The following ZFHX4 variants were observed in gnomAD, a reference collection of about 807,000 sequenced individuals.
ZFHX4 encodes zinc finger homeobox protein 4.
Under a neutral mutation model 267.6 loss-of-function variants are expected in ZFHX4, and 56 were observed. The ratio of observed to expected loss-of-function variants is 0.21; its 90% CI spans 0.17 to 0.26. The LOEUF (loss-of-function observed/expected upper bound fraction) is 0.26, where lower values mean the gene tolerates loss of function less well. Ranked by LOEUF, ZFHX4 falls within the 10% of genes least tolerant of loss-of-function variation. The probability of loss-of-function intolerance (pLI) is 1.00; values close to 1 mark genes in which losing one functional copy is unlikely to be tolerated. For missense variants in ZFHX4, 4,332 were observed against 4,420.0 expected, an observed-to-expected ratio of 0.98 and a Z score of 0.56; for synonymous variants, 1,778 against 1,665.6, an observed-to-expected ratio of 1.07 and a Z score of -1.64.
Position 76,863,351 on chromosome 8 carries a change from G to A in ZFHX4, c.9637G>A (p.Glu3213Lys), listed in dbSNP as rs536201184. ...GGAGGAATTAGAGGCCACCAAACCC[G>A]AAAAACACCCCAAAAAAGAGGAAAA... ...KEEELEATKP[E>K]KHPKKEEKIS... Residue 3213 changes from glutamate to lysine, a missense_variant, in exon 11 of 11, where the codon GAA (glutamate) becomes AAA (lysine). By Grantham distance (56) the Glu-to-Lys change is moderately conservative. This residue lies in a region of ZFHX4 where 1,648 missense variants were observed against 1,625.0 expected (regional missense o/e 1.01). Coordinates refer to ENST00000651372, the MANE Select transcript of ZFHX4 (RefSeq NM_024721.5). 1.2e-5 allele frequency: 20 copies of A among 1,613,766 alleles called. No individual in the cohort carries two copies. In the African/African-American group the frequency reaches 1.6e-4, roughly 13 times the overall value.
At chr8:76,737,711 A>G (rs1233637336) in intron 3 of ZFHX4, among the ~76,000 whole-genome samples, 1 of 152,208 alleles carries the variant, frequency 6.6e-6, no homozygotes, top group Non-Finnish European at 1.5e-5. Context: ...ATAATAAGTG[A>G]TAAAAATGGT....
intron 3 of ZFHX4, among the ~76,000 whole-genome samples, chr8:76,750,482 T>C (rs1809584778): frequency 6.6e-6 from 1 of 152,142 alleles, no homozygotes; most frequent in African/African-American, 2.4e-5. Context: ...TACTGTGTCC[T>C]CAGAATAACC....
intron 4 of ZFHX4, among the ~76,000 whole-genome samples, chr8:76,832,852 G>A (rs1208053157): frequency 6.6e-6 from 1 of 152,180 alleles, no homozygotes; most frequent in East Asian, 1.9e-4. Flanking sequence ...TGGATTTGCT[G>A]ATGACTTGGA....
intron 5 of ZFHX4, among the ~76,000 whole-genome samples, chr8:76,837,159 A>G (rs1812113876): frequency 6.6e-6 from 1 of 152,114 alleles, no homozygotes; most frequent in Non-Finnish European, 1.5e-5. Context: ...GTAGATAGAG[A>G]AAGGGCTTAG....
chr8:76,844,568 T>C (rs1318170190), intron 6 of ZFHX4, among the ~76,000 whole-genome samples: 1 of 152,116 alleles, frequency 6.6e-6, no homozygotes. Context: ...TCCGCAAAAG[T>C]AGTGGACTCA....
rs1812931959 is a variant in ZFHX4, at chr8:76,863,454, A to C, written c.9740A>C (p.Gln3247Pro). 1.4e-5 allele frequency: 23 copies of C among 1,613,772 alleles called. No individual in the cohort carries two copies. In the East Asian group the frequency reaches 5.1e-4, roughly 36 times the overall value. Residue 3247 changes from glutamine to proline, a missense_variant, in exon 11 of 11, where the codon CAG (glutamine) becomes CCG (proline). Transcript: ENST00000651372. ...HVDPIQLQAL[Q>P]NAIAGDPASF... Reference sequence around the variant, plus strand: ...GATCCTATTCAGTTGCAGGCATTACAGAATGCAATTGCTGGTGACCCAGCT... The same window carrying C: ...GATCCTATTCAGTTGCAGGCATTACCGAATGCAATTGCTGGTGACCCAGCT...
intron 4 of ZFHX4, among the ~76,000 whole-genome samples, chr8:76,830,067 G>C (rs561750874): frequency 1.3e-5 from 2 of 152,176 alleles, no homozygotes; most frequent in South Asian, 4.2e-4. Flanking sequence ...AAACTGTGTG[G>C]GTTCAAATCC....
At chr8:76,708,262 C>T (rs964734670) in intron 3 of ZFHX4, 1 of 607,018 alleles carries the variant, frequency 1.6e-6, no homozygotes, top group Non-Finnish European at 2.8e-6. Flanking sequence ...CTCACTTACA[C>T]CTGTCTCAGT....
At chr8:76,805,390 A>T (rs1200912623) in intron 4 of ZFHX4, among the ~76,000 whole-genome samples, 1 of 152,154 alleles carries the variant, frequency 6.6e-6, no homozygotes, top group Non-Finnish European at 1.5e-5. Context: ...ATCATAAAGG[A>T]CTACCTAATT....
chr8:76,705,514 G>GATGCGTACT lies in ZFHX4; in HGVS notation c.1427_1435dup (p.Tyr478_Ser479insTyrAlaTyr). ...TGAACCGGGAGATGAGGATGAAGAAGATGCGTACTCCAATGAACTTGATGA... is the reference window on the plus strand; with the variant it reads ...TGAACCGGGAGATGAGGATGAAGAAGATGCGTACTATGCGTACTCCAATGAACTTGATGA... On this transcript the variant is annotated inframe_insertion, in exon 2 of 11. Transcript: ENST00000651372. 6.2e-7 allele frequency: 1 copy of GATGCGTACT among 1,613,684 alleles called. No homozygotes were observed. The highest frequency in any genetic ancestry group is 1.7e-4 in the Middle Eastern group (1 of 6,060).
intron 4 of ZFHX4, among the ~76,000 whole-genome samples, chr8:76,825,622 A>G (rs1438412025): frequency 6.6e-6 from 1 of 152,246 alleles, no homozygotes; most frequent in African/African-American, 2.4e-5. Flanking sequence ...AGAATTGACC[A>G]TTATTTCAAC....
At chr8:76,708,778 T>A (rs959327791) in intron 3 of ZFHX4, among the ~76,000 whole-genome samples, 3 of 152,176 alleles carry the variant, frequency 2.0e-5, no homozygotes, top group African/African-American at 7.2e-5. Context: ...TTGTCTTGAC[T>A]TTTTCTAAAC....
At chr8:76,734,790 A>G (rs1487581526) in intron 3 of ZFHX4, among the ~76,000 whole-genome samples, 1 of 152,176 alleles carries the variant, frequency 6.6e-6, no homozygotes, top group Non-Finnish European at 1.5e-5. Flanking sequence ...TCAGCATCAC[A>G]CTGTGTAGTC....
intron 4 of ZFHX4, among the ~76,000 whole-genome samples, chr8:76,825,034 AT>A (rs1811748928): frequency 6.6e-6 from 1 of 152,214 alleles, no homozygotes; most frequent in Non-Finnish European, 1.5e-5. Flanking sequence ...TACCTCCAAA[AT>A]ATCTGCACAA....
At chr8:76,778,166 G>A (rs2131771910) in intron 3 of ZFHX4, 42 bp from the exon 4 acceptor site, 5 of 1,333,088 alleles carry the variant, frequency 3.8e-6, no homozygotes, top group East Asian at 2.3e-5. Flanking sequence ...TATCCACCAT[G>A]GAGCTAGACC....
chr8:76,811,784 C>T (rs756406804), intron 4 of ZFHX4, among the ~76,000 whole-genome samples: 8 of 152,230 alleles, frequency 5.3e-5, no homozygotes, highest in East Asian at 1.9e-4. Context: ...TGTGGCCAGG[C>T]GTGGTGGCAC....
Position 76,704,246 on chromosome 8 carries a change from C to A in ZFHX4, c.158C>A (p.Thr53Lys), listed in dbSNP as rs780029176. ...ENSSTDDNLK[T>K]DERKSEALLG... ...AGCTCCACAGATGACAACCTGAAAACGGATGAGCGCAAAAGTGAAGCCTTG... is the reference window on the plus strand; with the variant it reads ...AGCTCCACAGATGACAACCTGAAAAAGGATGAGCGCAAAAGTGAAGCCTTG... Residue 53 changes from threonine to lysine, a missense_variant, in exon 2 of 11, where the codon ACG becomes AAG. Physicochemically the swap from Thr to Lys is moderately conservative, Grantham distance 78. Coordinates refer to ENST00000651372, the MANE Select transcript of ZFHX4 (RefSeq NM_024721.5). The A allele has an allele frequency of 1.2e-6, 2 of 1,613,984 alleles. No homozygotes were observed. Among genetic ancestry groups the A allele is most frequent in the Non-Finnish European group, 1.7e-6 (2 of 1,179,884 alleles).
At chr8:76,696,982 G>A (rs1418260381) in intron 1 of ZFHX4, among the ~76,000 whole-genome samples, 1 of 151,966 alleles carries the variant, frequency 6.6e-6, no homozygotes, top group African/African-American at 2.4e-5. Flanking sequence ...CATTGCTCAA[G>A]AAATAGGAAT....
At chr8:76,807,565 G>A (rs1789165955) in intron 4 of ZFHX4, among the ~76,000 whole-genome samples, 1 of 152,026 alleles carries the variant, frequency 6.6e-6, no homozygotes, top group Non-Finnish European at 1.5e-5. Context: ...CTATAAGAGA[G>A]GTAGTATAGG....
Sources: allele counts gnomAD v4.1 joint callset (sites outside exome capture counted in the v4.1 genomes callset), GRCh38; gene constraint gnomAD v4.1.1; regional missense constraint gnomAD v4.1.1; transcripts MANE v1.5; gene names NCBI Gene and HGNC (gene_info 2026-07-23, HGNC 2026-07-21).